EPB41L2: variants seen among roughly 807,000 people sequenced by gnomAD.
The protein encoded by EPB41L2 is erythrocyte membrane protein band 4.1 like 2, also known as band 4.1-like protein 2.
In EPB41L2, 43 loss-of-function variants were observed where a neutral mutation model predicts 113.0. The ratio of observed to expected loss-of-function variants is 0.38; its 90% CI spans 0.30 to 0.49. The LOEUF (loss-of-function observed/expected upper bound fraction) is 0.49. Among genes scored for constraint, EPB41L2 ranks in the 20% least tolerant of loss-of-function variants. EPB41L2 has a pLI of 0.95. For synonymous variants in EPB41L2, 442 were observed against 436.7 expected (o/e 1.01, Z -0.15); for missense variants, 1,147 against 1,223.4 (o/e 0.94, Z 0.93).
At chr6:130,965,563 T>C (rs1308498444) in intron 1 of EPB41L2, among the ~76,000 whole-genome samples, 1 of 151,740 alleles carries the variant, frequency 6.6e-6, no homozygotes. Flanking sequence ...AAAAAACAAA[T>C]TTTATTTTTA....
intron 4 of EPB41L2, among the ~76,000 whole-genome samples, chr6:130,913,650 G>A (rs1303491696): frequency 1.3e-5 from 2 of 151,642 alleles, no homozygotes; most frequent in Non-Finnish European, 2.9e-5. Context: ...ATTTTTACTT[G>A]AATACATATC....
chr6:130,957,620 C>A (rs910047811), intron 1 of EPB41L2, among the ~76,000 whole-genome samples: 13 of 135,968 alleles, frequency 9.6e-5, no homozygotes, highest in Admixed American at 9.5e-4. Context: ...CAGAGTGAGA[C>A]CCCATCTCTT....
intron 1 of EPB41L2, among the ~76,000 whole-genome samples, chr6:130,979,831 G>A (rs916363580): frequency 6.6e-6 from 1 of 152,144 alleles, no homozygotes; most frequent in African/African-American, 2.4e-5. Flanking sequence ...GATGGTTGAA[G>A]GTATGTGTCT....
At chr6:131,043,319 A>C (rs1412712192) in intron 1 of EPB41L2, among the ~76,000 whole-genome samples, 2 of 152,042 alleles carry the variant, frequency 1.3e-5, no homozygotes, top group Non-Finnish European at 2.9e-5. Context: ...AAGATAAATA[A>C]ATAAATAAAT....
intron 1 of EPB41L2, among the ~76,000 whole-genome samples, chr6:130,973,859 G>A (rs141340274): frequency 1.4e-4 from 22 of 152,316 alleles, no homozygotes; most frequent in African/African-American, 2.6e-4. Flanking sequence ...ATGGGCACAT[G>A]TCGTCAGGTA....
chr6:131,034,730 T>A (rs1792945991), intron 1 of EPB41L2, among the ~76,000 whole-genome samples: 1 of 152,174 alleles, frequency 6.6e-6, no homozygotes, highest in African/African-American at 2.4e-5. Context: ...TATTGAAATG[T>A]CCTGAAAACT....
In EPB41L2 at chr6:130,981,577, T is replaced by C. The variant is rs183022563; in HGVS notation, c.-14-25078A>G. ...GTGGGCCTTTAAGACATTCTGACAG[T>C]GCACACAAATACTATCTCTGGAACA... On this transcript the variant is annotated intron_variant, in intron 1 of 19. Coordinates refer to ENST00000337057, the MANE Select transcript of EPB41L2 (RefSeq NM_001431.4). Among the ~76,000 whole-genome samples the C allele has an allele frequency of 1.4e-3, 215 of 152,270 alleles. 1 individual carries two copies. The highest frequency in any genetic ancestry group is 4.8e-3 in the African/African-American group (200 of 41,562).
At chr6:131,031,696 T>C (rs1792188208) in intron 1 of EPB41L2, among the ~76,000 whole-genome samples, 1 of 152,192 alleles carries the variant, frequency 6.6e-6, no homozygotes, top group Admixed American at 6.6e-5. Flanking sequence ...ATCCAACCTG[T>C]GAGATAGTAA....
chr6:130,930,930 C>G (rs759243330), intron 3 of EPB41L2, among the ~76,000 whole-genome samples: 1 of 151,718 alleles, frequency 6.6e-6, no homozygotes, highest in African/African-American at 2.4e-5. Flanking sequence ...GAAATGAAAA[C>G]TATAGTAACT....
At chr6:130,907,167 T>C (rs1797984674) in intron 5 of EPB41L2, among the ~76,000 whole-genome samples, 1 of 152,208 alleles carries the variant, frequency 6.6e-6, no homozygotes, top group South Asian at 2.1e-4. Flanking sequence ...TTTCAGAGGT[T>C]GCCCTGTTCT....
Position 130,858,215 on chromosome 6 carries a change from C to G in EPB41L2, c.2939G>C (p.Arg980Thr), listed in dbSNP as rs1431588364. 2 of 1,613,642 alleles carry G rather than the reference C, an allele frequency of 1.2e-6. No homozygotes were observed. The change falls in exon 19 of 20, where the codon AGA becomes ACA. Residue 980 changes from arginine to threonine, a missense_variant. Physicochemically the swap from Arg to Thr is moderately conservative, Grantham distance 71. Transcript: ENST00000337057. The stretch of plus-strand genomic sequence containing the variant: ...GACCGACATGTCAGGGTGCTGCTCT[C>G]TGGCTTCCCTGATCGCCTGAGCCAG... ...QALAQAIREA[R>T]EQHPDMSVTR...
At chr6:130,986,827 T>TA (rs558242780) in intron 1 of EPB41L2, among the ~76,000 whole-genome samples, 1 of 152,198 alleles carries the variant, frequency 6.6e-6, no homozygotes, top group Non-Finnish European at 1.5e-5. Context: ...TTAAAATGGG[T>TA]AAAATAATAA....
chr6:130,875,358 T>A (rs1282200532), intron 14 of EPB41L2, among the ~76,000 whole-genome samples: 1 of 152,192 alleles, frequency 6.6e-6, no homozygotes, highest in African/African-American at 2.4e-5. Flanking sequence ...TCTCCAATGC[T>A]TTCCCATCAT....
At chr6:131,020,759 C>T (rs532876183) in intron 1 of EPB41L2, among the ~76,000 whole-genome samples, 1 of 152,290 alleles carries the variant, frequency 6.6e-6, no homozygotes, top group South Asian at 2.1e-4. Context: ...TTCAGCTCTT[C>T]AGCACTCATT....
intron 1 of EPB41L2, among the ~76,000 whole-genome samples, chr6:131,020,814 G>A (rs1247682814): frequency 6.6e-6 from 1 of 150,962 alleles, no homozygotes; most frequent in Non-Finnish European, 1.5e-5. Context: ...TTAAGAGACA[G>A]AGTCTTGTTC....
intron 4 of EPB41L2, among the ~76,000 whole-genome samples, chr6:130,911,528 A>AT (rs1432419365): frequency 2.0e-5 from 3 of 151,874 alleles, no homozygotes; most frequent in Non-Finnish European, 2.9e-5. Flanking sequence ...AATAATAATA[A>AT]AAAAAAAGAA....
chr6:130,843,021 T>C (rs111558905), intron 19 of EPB41L2, among the ~76,000 whole-genome samples: 1,740 of 64,228 alleles, frequency 0.027, 46 homozygotes, highest in African/African-American at 0.11. Context: ...AGTTTAACTC[T>C]GAGTTATTAG....
At chr6:131,004,047 C>T (rs1312915330) in intron 1 of EPB41L2, among the ~76,000 whole-genome samples, 1 of 152,200 alleles carries the variant, frequency 6.6e-6, no homozygotes, top group Non-Finnish European at 1.5e-5. Context: ...CAAGGATCAT[C>T]CTTGGAAGGC....
chr6:130,977,885 G>A (rs894355985), intron 1 of EPB41L2, among the ~76,000 whole-genome samples: 1 of 152,180 alleles, frequency 6.6e-6, no homozygotes, highest in Non-Finnish European at 1.5e-5. Flanking sequence ...GCAATTTACT[G>A]TTAAACACAG....
Sources: allele counts gnomAD v4.1 joint callset (sites outside exome capture counted in the v4.1 genomes callset), GRCh38; gene constraint gnomAD v4.1.1; transcripts MANE v1.5; gene names NCBI Gene and HGNC (gene_info 2026-07-23, HGNC 2026-07-21).